Variants in ZNF341 observed in about 807,000 individuals in gnomAD.
ZNF341 encodes the protein zinc finger protein 341.
In ZNF341, 52 loss-of-function variants were observed where a neutral mutation model predicts 87.7. The ratio of observed to expected loss-of-function variants is 0.59; its 90% CI spans 0.47 to 0.75. The LOEUF (loss-of-function observed/expected upper bound fraction) is 0.75. ZNF341 is among the 30% of genes least tolerant of loss of function. ZNF341 has a pLI of 0.00. For missense variants in ZNF341, 977 were observed against 1,145.9 expected (o/e 0.85, Z 2.13); for synonymous variants, 459 against 472.7 (o/e 0.97, Z 0.38).
chr20:33,742,385 TG>T (rs2018819991), intron 2 of ZNF341, among the ~76,000 whole-genome samples: 1 of 152,018 alleles, frequency 6.6e-6, no homozygotes, highest in Non-Finnish European at 1.5e-5. Context: ...TTAGTAGAGA[TG>T]GGGTTTCACC....
chr20:33,740,662 G>A (rs2018779693), intron 1 of ZNF341, among the ~76,000 whole-genome samples: 1 of 152,066 alleles, frequency 6.6e-6, no homozygotes, highest in African/African-American at 2.4e-5. Flanking sequence ...GCACCACCAA[G>A]CCTACCTAAA....
intron 1 of ZNF341, among the ~76,000 whole-genome samples, chr20:33,733,067 G>T (rs1455639136): frequency 6.6e-6 from 1 of 152,116 alleles, no homozygotes; most frequent in Non-Finnish European, 1.5e-5. Context: ...AATTTTTTGA[G>T]ACGGAGTCTC....
At chr20:33,778,357 T>G (rs2019668735) in intron 10 of ZNF341, among the ~76,000 whole-genome samples, 1 of 152,174 alleles carries the variant, frequency 6.6e-6, no homozygotes, top group Non-Finnish European at 1.5e-5. Context: ...TCACCCAGGC[T>G]GAAGTGCAGT....
At chr20:33,753,555 C>T (rs1601249166) in intron 5 of ZNF341, 132 bp downstream of exon 5, 1 of 1,223,516 alleles carries the variant, frequency 8.2e-7, no homozygotes, top group East Asian at 2.6e-5. Flanking sequence ...CGGTCCTGGC[C>T]TTCATGGGGT....
chr20:33,744,463 G>C (rs1050064253), intron 2 of ZNF341, among the ~76,000 whole-genome samples: 1 of 152,244 alleles, frequency 6.6e-6, no homozygotes, highest in African/African-American at 2.4e-5. Context: ...TTTGGGGACT[G>C]ATGAATAAAT....
At chr20:33,784,796 A>G (rs1217823466) in intron 12 of ZNF341, among the ~76,000 whole-genome samples, 1 of 151,826 alleles carries the variant, frequency 6.6e-6, no homozygotes, top group African/African-American at 2.4e-5. Flanking sequence ...TTGTATTTTT[A>G]GTAGAAACAG....
intron 2 of ZNF341, 150 bp downstream of exon 2, chr20:33,741,162 G>A (rs6087514): frequency 1.2e-5 from 8 of 691,460 alleles, no homozygotes; most frequent in South Asian, 5.3e-5. Flanking sequence ...CCTCCCAGCC[G>A]GGATCTTTGG....
chr20:33,735,389 C>A (rs1187082958), intron 1 of ZNF341, among the ~76,000 whole-genome samples: 1 of 151,970 alleles, frequency 6.6e-6, no homozygotes, highest in Non-Finnish European at 1.5e-5. Context: ...AGCTGGAGTG[C>A]AGTAGTGCAT....
At chr20:33,737,973 A>G (rs924238726) in intron 1 of ZNF341, among the ~76,000 whole-genome samples, 8 of 151,808 alleles carry the variant, frequency 5.3e-5, no homozygotes, top group Admixed American at 5.3e-4. Flanking sequence ...CCCTGTCATT[A>G]CTAAAAGTAC....
intron 14 of ZNF341, among the ~76,000 whole-genome samples, chr20:33,790,331 C>T (rs1193505017): frequency 6.6e-6 from 1 of 152,086 alleles, no homozygotes; most frequent in East Asian, 1.9e-4. Context: ...CCTTGGCCTC[C>T]CAAGGTGCTG....
chr20:33,779,489 C>T lies in ZNF341; in HGVS notation c.1623-1802C>T, dbSNP rs183670672. Among the ~76,000 whole-genome samples, 85 of 142,356 alleles carry T rather than the reference C, an allele frequency of 6.0e-4. 1 individual carries two copies. Among genetic ancestry groups the T allele is most frequent in the African/African-American group, 2.1e-3 (80 of 38,104 alleles). The allele number at this position is 142,356 out of a possible 152,430, so 93.4% of individuals were successfully genotyped here. On this transcript the variant is annotated intron_variant, in intron 10 of 14. Transcript: ENST00000375200. ...TTTTTGAGATGGAGTCTCACTGTGT[C>T]GCCCAGGCTGGAGTGCAGTAGCGTG...
At chr20:33,761,682 C>G (rs1033364745) in intron 7 of ZNF341, among the ~76,000 whole-genome samples, 180 bp from the exon 8 acceptor site, 5 of 152,176 alleles carry the variant, frequency 3.3e-5, no homozygotes, top group Non-Finnish European at 5.9e-5. Context: ...TGACCCGGAA[C>G]CCAGGGTCTT....
chr20:33,744,622 C>T (rs948850101), intron 2 of ZNF341, among the ~76,000 whole-genome samples: 4 of 151,980 alleles, frequency 2.6e-5, no homozygotes, highest in East Asian at 1.9e-4. Context: ...GATGGAGTCT[C>T]GCTCTGTTGC....
chr20:33,782,759 G>C (rs990711977), intron 11 of ZNF341, among the ~76,000 whole-genome samples: 3 of 152,184 alleles, frequency 2.0e-5, no homozygotes, highest in Non-Finnish European at 4.4e-5. Flanking sequence ...CGTGACCAAC[G>C]CTCTACCAAA....
Position 33,791,139 on chromosome 20 carries a change from C to T in ZNF341, c.2187C>T (p.His729=), listed in dbSNP as rs1294903950. The T allele has an allele frequency of 6.2e-7, 1 of 1,613,322 alleles. No individual in the cohort carries two copies. Among genetic ancestry groups the T allele is most frequent in the Non-Finnish European group, 8.5e-7 (1 of 1,180,022 alleles). The part of the protein sequence containing the change: ...GFSRHKYLKD[H]RCRLGPQKDK... ...CCCGCCACAAATACCTCAAAGATCA[C>T]CGCTGTCGTCTCGGCCCCCAAAAGG... The change falls in exon 15 of 15, where the codon CAC becomes CAT. Residue 729 remains histidine, a synonymous_variant. Transcript: ENST00000375200.
At chr20:33,748,873 C>A in intron 3 of ZNF341, 50 bp from the exon 4 acceptor site, 1 of 1,557,680 alleles carries the variant, frequency 6.4e-7, no homozygotes, top group Non-Finnish European at 8.8e-7. Context: ...TGAGCACACA[C>A]ACACTCTGTC....
intron 4 of ZNF341, among the ~76,000 whole-genome samples, chr20:33,751,170 T>C (rs1009108095): frequency 6.6e-6 from 1 of 152,204 alleles, no homozygotes; most frequent in African/African-American, 2.4e-5. Context: ...AGGTCATTGC[T>C]GTTTTTTGCT....
At chr20:33,754,703 A>T (rs1397057140) in intron 5 of ZNF341, among the ~76,000 whole-genome samples, 1 of 152,172 alleles carries the variant, frequency 6.6e-6, no homozygotes, top group East Asian at 1.9e-4. Flanking sequence ...TTGATTTTCC[A>T]TGTAGATGAG....
chr20:33,789,458 G>A, intron 13 of ZNF341, 60 bp from the exon 14 acceptor site: 2 of 1,574,136 alleles, frequency 1.3e-6, no homozygotes, highest in Non-Finnish European at 1.7e-6. Context: ...CTAGTGGAGG[G>A]GCCAGCAAGA....
Sources: allele counts gnomAD v4.1 joint callset (sites outside exome capture counted in the v4.1 genomes callset), GRCh38; gene constraint gnomAD v4.1.1; transcripts MANE v1.5; gene names NCBI Gene and HGNC (gene_info 2026-07-23, HGNC 2026-07-21).